COL21A1: variants seen among roughly 807,000 people sequenced by gnomAD.
COL21A1 encodes collagen type XXI alpha 1 chain.
A neutral mutation model predicts 137.9 loss-of-function variants in COL21A1; 149 were observed. That is an observed-to-expected ratio of 1.08 (90% CI 0.95 to 1.24). COL21A1 has a LOEUF of 1.24. Among genes scored for constraint, COL21A1 ranks in the 50% most tolerant of loss-of-function variants. The probability of loss-of-function intolerance (pLI) is 0.00; values close to 1 mark genes in which losing one functional copy is unlikely to be tolerated. For missense variants in COL21A1, 1,167 were observed against 1,158.4 expected (o/e 1.01, Z -0.11); for synonymous variants, 456 against 391.5 (o/e 1.16, Z -1.95).
At chr6:56,172,509 T>A (rs1777146824) in intron 3 of COL21A1, among the ~76,000 whole-genome samples, 1 of 152,164 alleles carries the variant, frequency 6.6e-6, no homozygotes, top group African/African-American at 2.4e-5. Flanking sequence ...CCATCAGACC[T>A]GCCTTATAAG....
intron 16 of COL21A1, among the ~76,000 whole-genome samples, chr6:56,106,793 GT>G (rs200099516): frequency 1.9e-4 from 28 of 148,566 alleles, no homozygotes; most frequent in South Asian, 1.1e-3. Context: ...CATTATACAA[GT>G]TTTTTTTTTT....
At chr6:56,367,485 C>A (rs999589342) in intron 1 of COL21A1, among the ~76,000 whole-genome samples, 2 of 152,186 alleles carry the variant, frequency 1.3e-5, no homozygotes, top group Non-Finnish European at 2.9e-5. Flanking sequence ...AAAACACTCC[C>A]ACTCTTCTAC....
chr6:56,082,629 C>T (rs1165122130), intron 17 of COL21A1, among the ~76,000 whole-genome samples: 1 of 151,424 alleles, frequency 6.6e-6, no homozygotes, highest in East Asian at 1.9e-4. Flanking sequence ...GAAGTTAAAT[C>T]TTTTCCAGAG....
chr6:56,105,547 G>A (rs759850436), intron 16 of COL21A1, among the ~76,000 whole-genome samples: 2 of 151,926 alleles, frequency 1.3e-5, no homozygotes, highest in Non-Finnish European at 2.9e-5. Context: ...AAAACAGTAG[G>A]GTCAATAGTT....
intron 1 of COL21A1, among the ~76,000 whole-genome samples, chr6:56,314,503 T>C (rs1764685196): frequency 6.6e-6 from 1 of 152,166 alleles, no homozygotes; most frequent in African/African-American, 2.4e-5. Flanking sequence ...ACCCAGATTC[T>C]AGGCTCAGTT....
At chr6:56,276,436 C>T in intron 1 of COL21A1, 1 of 585,454 alleles carries the variant, frequency 1.7e-6, no homozygotes, top group Non-Finnish European at 3.0e-6. Flanking sequence ...TTTTTAAAGT[C>T]AACAAAAGTC....
chr6:56,151,534 A>G (rs1775320690), intron 10 of COL21A1, among the ~76,000 whole-genome samples: 1 of 152,216 alleles, frequency 6.6e-6, no homozygotes, highest in Admixed American at 6.5e-5. Flanking sequence ...AAAGAAATGG[A>G]AGGATCTGAA....
chr6:56,237,177 G>A (rs2152321920), intron 1 of COL21A1, among the ~76,000 whole-genome samples: 2 of 152,096 alleles, frequency 1.3e-5, no homozygotes, highest in South Asian at 4.1e-4. Flanking sequence ...AGAGTCTACA[G>A]TAATAGACAG....
At chr6:56,260,638 AG>A (rs1277397390) in intron 1 of COL21A1, among the ~76,000 whole-genome samples, 18 of 39,508 alleles carry the variant, frequency 4.6e-4, no homozygotes, top group Middle Eastern at 0.01. Context: ...GAAGGAAGGA[AG>A]GAAGGAAGGA....
At chr6:56,389,032 A>G (rs2094024044) in intron 1 of COL21A1, among the ~76,000 whole-genome samples, 1 of 152,210 alleles carries the variant, frequency 6.6e-6, no homozygotes, top group Admixed American at 6.5e-5. Flanking sequence ...TCAAGCAGAA[A>G]AAATAACTAA....
intron 1 of COL21A1, among the ~76,000 whole-genome samples, chr6:56,377,789 A>G (rs1264558665): frequency 6.7e-6 from 1 of 148,338 alleles, no homozygotes. Flanking sequence ...CAGGCTGCAC[A>G]GTTTGCAGCT....
intron 19 of COL21A1, 70 bp downstream of exon 19, chr6:56,075,409 T>C: frequency 8.3e-7 from 1 of 1,206,928 alleles, no homozygotes; most frequent in East Asian, 2.7e-5. Context: ...AACTCTCGAA[T>C]ATGAACTCCT....
intron 1 of COL21A1, among the ~76,000 whole-genome samples, chr6:56,222,534 G>A (rs1172915080): frequency 6.6e-6 from 1 of 152,038 alleles, no homozygotes; most frequent in Non-Finnish European, 1.5e-5. Context: ...TGCTTCTCTA[G>A]GGAGTAATTA....
intron 1 of COL21A1, among the ~76,000 whole-genome samples, chr6:56,313,512 T>C (rs946580083): frequency 1.3e-5 from 2 of 152,184 alleles, no homozygotes; most frequent in African/African-American, 4.8e-5. Flanking sequence ...CAGACAGTTC[T>C]TTCTCACTGC....
chr6:56,221,265 A>C (rs1291936754), intron 1 of COL21A1, among the ~76,000 whole-genome samples: 3 of 152,136 alleles, frequency 2.0e-5, no homozygotes, highest in African/African-American at 4.8e-5. Context: ...TCACTGATTT[A>C]GTCAATAAAT....
chr6:56,124,136 CTTTAATATATTTTTGCACTAA>C, intron 15 of COL21A1, 21 bp from the exon 16 acceptor site: 2 of 1,535,526 alleles, frequency 1.3e-6, no homozygotes, highest in Non-Finnish European at 1.8e-6. Context: ...AATACATATG[CTTTAATATATTTTTGCACTAA>C]TTTTTTCTCT....
chr6:56,171,292 C>A (rs1052721726), intron 3 of COL21A1, among the ~76,000 whole-genome samples, 164 bp from the exon 4 acceptor site: 1 of 151,816 alleles, frequency 6.6e-6, no homozygotes, highest in Non-Finnish European at 1.5e-5. Context: ...AATACATTTT[C>A]TGAGAAAATG....
intron 17 of COL21A1, among the ~76,000 whole-genome samples, chr6:56,085,280 C>G (rs1400168880): frequency 1.3e-5 from 2 of 151,980 alleles, no homozygotes; most frequent in East Asian, 3.9e-4. Flanking sequence ...TATCTAATTT[C>G]TATCTTTGTA....
intron 1 of COL21A1, among the ~76,000 whole-genome samples, chr6:56,204,727 G>C (rs1435125041): frequency 1.3e-5 from 2 of 152,178 alleles, no homozygotes; most frequent in African/African-American, 4.8e-5. Flanking sequence ...TCATACAGGA[G>C]AGCTCTGGCT....
Sources: gnomAD v4.1 joint callset for allele counts (sites outside exome capture counted in the v4.1 genomes callset) on GRCh38, gnomAD v4.1.1 for gene constraint, MANE v1.5 for transcripts, NCBI Gene and HGNC (gene_info 2026-07-23, HGNC 2026-07-21) for gene names.